Variants in PRUNE2 observed in about 807,000 individuals in gnomAD.
PRUNE2 encodes prune homolog 2 with BCH domain, also known as protein prune homolog 2.
Under a neutral mutation model 252.0 loss-of-function variants are expected in PRUNE2, and 164 were observed. The ratio of observed to expected loss-of-function variants is 0.65; its 90% CI spans 0.57 to 0.74. The LOEUF (loss-of-function observed/expected upper bound fraction) is 0.74, where lower values mean the gene tolerates loss of function less well. Among genes scored for constraint, PRUNE2 ranks in the 30% least tolerant of loss-of-function variants. The pLI is 0.00. For synonymous variants in PRUNE2, 1,292 were observed against 1,350.2 expected (o/e 0.96, Z 0.94); for missense variants, 3,495 against 3,711.0 (o/e 0.94, Z 1.51).
intron 16 of PRUNE2, among the ~76,000 whole-genome samples, 197 bp from the exon 17 acceptor site, chr9:76,624,687 A>G (rs1261146476): frequency 6.6e-6 from 1 of 152,178 alleles, no homozygotes; most frequent in East Asian, 1.9e-4. Context: ...ATGTACATTT[A>G]CTTTGCAAAT....
At chr9:76,619,454 A>G in intron 17 of PRUNE2, 67 bp from the exon 18 acceptor site, 1 of 1,109,832 alleles carries the variant, frequency 9.0e-7, no homozygotes, top group South Asian at 1.3e-5. Context: ...AAAGCACAAC[A>G]GATTTGAGGC....
At chr9:76,638,329 C>CTCT (rs755851785) in intron 12 of PRUNE2, 41 bp from the exon 13 acceptor site, 4 of 1,388,730 alleles carry the variant, frequency 2.9e-6, no homozygotes, top group Non-Finnish European at 4.1e-6. Flanking sequence ...CAATTGAAAG[C>CTCT]TCTTAACAAG....
chr9:76,810,593 C>T (rs1422571046), intron 6 of PRUNE2, among the ~76,000 whole-genome samples: 1 of 152,222 alleles, frequency 6.6e-6, no homozygotes, highest in Non-Finnish European at 1.5e-5. Flanking sequence ...AGGCTCAGCA[C>T]AGCCATCCTT....
At chr9:76,893,382 A>G (rs2062610320) in intron 1 of PRUNE2, among the ~76,000 whole-genome samples, 1 of 152,262 alleles carries the variant, frequency 6.6e-6, no homozygotes, top group African/African-American at 2.4e-5. Flanking sequence ...GATGATGGCC[A>G]CAGAATGCTG....
intron 9 of PRUNE2, among the ~76,000 whole-genome samples, chr9:76,690,359 CAA>C (rs1208395440): frequency 6.6e-6 from 1 of 152,192 alleles, no homozygotes; most frequent in African/African-American, 2.4e-5. Flanking sequence ...AGAGGGCAAG[CAA>C]TTCCAGGCTA....
chr9:76,725,775 A>G (rs1302372311), intron 6 of PRUNE2, among the ~76,000 whole-genome samples: 2 of 152,126 alleles, frequency 1.3e-5, no homozygotes, highest in African/African-American at 4.8e-5. Flanking sequence ...CCTCCTGAAA[A>G]CAGATACACT....
chr9:76,765,567 T>C (rs1012580463), intron 6 of PRUNE2, among the ~76,000 whole-genome samples: 2 of 152,188 alleles, frequency 1.3e-5, no homozygotes, highest in Non-Finnish European at 2.9e-5. Context: ...TGGCTCAATC[T>C]TTCTTGCATA....
chr9:76,644,815 T>C lies in PRUNE2; in HGVS notation c.8652A>G (p.Thr2884=). 1.9e-6 allele frequency: 3 copies of C among 1,613,956 alleles called. No individual in the cohort carries two copies. Among genetic ancestry groups the C allele is most frequent in the Non-Finnish European group, 2.5e-6 (3 of 1,179,858 alleles). The change falls in exon 12 of 19, where the codon ACA becomes ACG. Residue 2884 remains threonine, a synonymous_variant. Transcript: ENST00000376718. ...EEREDNRLWR[T]VVIGEQEQRI... is the part of the protein sequence containing the mutation. ...GCTGCTCTTGTTCTCCAATGACCAC[T>C]GTCCTCCAAAGCCGGTTGTCCTCCC... is the stretch of plus-strand genomic sequence containing the variant.
intron 9 of PRUNE2, among the ~76,000 whole-genome samples, chr9:76,671,985 C>G (rs1281294921): frequency 6.6e-6 from 1 of 151,686 alleles, no homozygotes; most frequent in Non-Finnish European, 1.5e-5. Context: ...TAGGAAGAAA[C>G]TGCATCAACT....
chr9:76,760,865 C>G lies in PRUNE2; in HGVS notation c.757-47144G>C, dbSNP rs150298838. Among the ~76,000 whole-genome samples, 131 of 152,192 alleles carry G rather than the reference C, an allele frequency of 8.6e-4. 1 individual carries two copies. The highest frequency in any genetic ancestry group is 3.1e-3 in the African/African-American group (130 of 41,544). ...CTTTGGGAGGTGGAGGTGGGTGGAT[C>G]ACTTGAGGCCAGAAGTTCGAGACCA... On this transcript the variant is annotated intron_variant, in intron 6 of 18. Coordinates refer to ENST00000376718, the MANE Select transcript of PRUNE2 (RefSeq NM_015225.3).
chr9:76,816,959 C>T (rs1238117034), intron 6 of PRUNE2, among the ~76,000 whole-genome samples: 2 of 152,140 alleles, frequency 1.3e-5, no homozygotes, highest in Non-Finnish European at 2.9e-5. Flanking sequence ...ACTTATCTTG[C>T]CAAATCTTCT....
intron 4 of PRUNE2, among the ~76,000 whole-genome samples, chr9:76,838,581 G>T (rs1208762520): frequency 4.0e-5 from 6 of 149,024 alleles, no homozygotes; most frequent in Non-Finnish European, 8.9e-5. Flanking sequence ...GAAGGCGGAG[G>T]TTGCAGTGAG....
At chr9:76,723,462 G>T (rs982161651) in intron 6 of PRUNE2, among the ~76,000 whole-genome samples, 1 of 152,190 alleles carries the variant, frequency 6.6e-6, no homozygotes, top group Non-Finnish European at 1.5e-5. Context: ...AATTGCCAGA[G>T]GGGAGTAGAG....
At chr9:76,890,596 A>T (rs1209101655) in intron 1 of PRUNE2, among the ~76,000 whole-genome samples, 1 of 152,228 alleles carries the variant, frequency 6.6e-6, no homozygotes, top group Admixed American at 6.5e-5. Flanking sequence ...AACTATGCAG[A>T]TCACATCAGT....
intron 6 of PRUNE2, among the ~76,000 whole-genome samples, chr9:76,777,344 G>A (rs2053916187): frequency 6.6e-6 from 1 of 152,126 alleles, no homozygotes; most frequent in Non-Finnish European, 1.5e-5. Flanking sequence ...AATAAGCACA[G>A]GAATGGTGGG....
intron 9 of PRUNE2, among the ~76,000 whole-genome samples, chr9:76,656,280 A>G (rs1314098788): frequency 6.6e-6 from 1 of 152,078 alleles, no homozygotes; most frequent in African/African-American, 2.4e-5. Flanking sequence ...CTCTTGATTT[A>G]TTTTCATCCC....
chr9:76,629,122 C>T (rs962704100), intron 16 of PRUNE2, 70 bp downstream of exon 16: 22 of 910,126 alleles, frequency 2.4e-5, no homozygotes, highest in African/African-American at 1.8e-4. Context: ...GGATTACAGG[C>T]GTGAGCCACC....
At chr9:76,771,184 C>T (rs2053063429) in intron 6 of PRUNE2, among the ~76,000 whole-genome samples, 2 of 152,004 alleles carry the variant, frequency 1.3e-5, no homozygotes, top group African/African-American at 4.8e-5. Context: ...AAATTATATT[C>T]CCATGTGAAA....
chr9:76,629,695 G>C (rs190161353), intron 15 of PRUNE2, among the ~76,000 whole-genome samples: 29 of 151,598 alleles, frequency 1.9e-4, no homozygotes, highest in African/African-American at 7.0e-4. Flanking sequence ...TTGTTCAATA[G>C]GGCTCTGGAA....
Sources: allele counts gnomAD v4.1 joint callset (sites outside exome capture counted in the v4.1 genomes callset), GRCh38; gene constraint gnomAD v4.1.1; transcripts MANE v1.5; gene names NCBI Gene and HGNC (gene_info 2026-07-23, HGNC 2026-07-21).